Variants in BCORL1 observed in about 807,000 individuals in gnomAD.
BCORL1 encodes BCL-6 corepressor-like protein 1.
Under a neutral mutation model 87.6 loss-of-function variants are expected in BCORL1, and 7 were observed. The observed-to-expected ratio is 0.08, with a 90% CI of 0.05 to 0.15. BCORL1 has a LOEUF of 0.15. Among genes scored for constraint, BCORL1 ranks in the 10% least tolerant of loss-of-function variants. The pLI is 1.00. For missense variants in BCORL1, 1,215 were observed against 1,499.7 expected (o/e 0.81, Z 3.13); for synonymous variants, 591 against 634.4 (o/e 0.93, Z 1.03).
At chrX:130,001,470 G>T (rs1928047043) in intron 1 of BCORL1, among the ~76,000 whole-genome samples, 1 of 112,014 alleles carries the variant, frequency 8.9e-6, no homozygotes, top group Non-Finnish European at 1.9e-5. Context: ...AGCTAGAGAG[G>T]AGAATAAGAA....
At chrX:130,034,192 T>G (rs1930793468) in intron 8 of BCORL1, among the ~76,000 whole-genome samples, 1 of 111,463 alleles carries the variant, frequency 9.0e-6, no homozygotes, top group Admixed American at 9.6e-5. Flanking sequence ...GGTTGAGCAT[T>G]TGAACCTCTT....
intron 7 of BCORL1, among the ~76,000 whole-genome samples, chrX:130,026,474 A>G (rs977820377): frequency 8.0e-5 from 9 of 112,720 alleles, no homozygotes; most frequent in Admixed American, 7.5e-4. Context: ...GAGCAATAAT[A>G]GATTGGTCAG....
At chrX:130,037,925 C>T (rs1931056093) in intron 10 of BCORL1, among the ~76,000 whole-genome samples, 1 of 111,853 alleles carries the variant, frequency 8.9e-6, no homozygotes, top group South Asian at 3.7e-4. Flanking sequence ...GACCTTACCT[C>T]AACCTGAACC....
At position 130,016,117 on chromosome X, in the gene BCORL1, G is replaced by A. The variant is rs748156154; in HGVS notation, c.3345G>A (p.Pro1115=). The change falls in exon 4 of 14, where the codon CCG becomes CCA. Residue 1115 remains proline (P), a synonymous_variant. Coordinates refer to ENST00000540052, the MANE Select transcript of BCORL1 (RefSeq NM_001379451.1). Reference sequence around the variant, plus strand: ...CAGATGATGTGACGGAATCTCTGCCGCCCAAGAAGATGAAGTGCGGCAAAG... The same window carrying A: ...CAGATGATGTGACGGAATCTCTGCCACCCAAGAAGATGAAGTGCGGCAAAG... ...WQPDDVTESL[P]PKKMKCGKEK... is the part of the protein sequence containing the mutation. The A allele has an allele frequency of 1.1e-4, 139 of 1,209,293 alleles. No individual in the cohort carries two copies. Among genetic ancestry groups the A allele is most frequent in the Non-Finnish European group, 1.5e-4 (134 of 895,206 alleles).
Position 130,049,804 on chromosome X carries a change from A to G in BCORL1, c.4841-913A>G, listed in dbSNP as rs373431918. On this transcript the variant is annotated intron_variant, in intron 11 of 13. Transcript: ENST00000540052. The stretch of plus-strand genomic sequence containing the variant: ...ACCAGAAGGACTTATGCTTATTTAT[A>G]TTACTATACATTGGAGAGATTATGA... 4.4e-4 allele frequency among the ~76,000 whole-genome samples: 50 copies of G among 112,671 alleles called. 1 individual carries two copies. In the South Asian group the frequency reaches 0.017, roughly 39 times the overall value.
chrX:129,994,938 C>T lies in BCORL1; in HGVS notation c.-44-10250C>T, dbSNP rs111810269. ...TTATTTCTAGTTGATTTTGTGTGTG[C>T]AGTAGTAGAGGAACCAACTTGGCAT... On this transcript the variant is annotated intron_variant, in intron 1 of 13. Transcript: ENST00000540052. Among the ~76,000 whole-genome samples, 381 of 111,052 alleles carry T rather than the reference C, an allele frequency of 3.4e-3. 2 individuals are homozygous for T. The highest frequency in any genetic ancestry group is 0.012 in the African/African-American group (358 of 30,586).
intron 11 of BCORL1, among the ~76,000 whole-genome samples, chrX:130,041,632 CTT>C (rs2124546272): frequency 9.0e-6 from 1 of 111,617 alleles, no homozygotes; most frequent in South Asian, 3.7e-4. Context: ...TCAGAGAAGA[CTT>C]TTATTTTTTT....
Position 129,991,907 on chromosome X carries a change from A to G in BCORL1, c.-45+9145A>G, listed in dbSNP as rs759473837. Among the ~76,000 whole-genome samples, 6 of 90,849 alleles carry G rather than the reference A, an allele frequency of 6.6e-5. No individual in the cohort carries two copies. The South Asian group carries it at 3.2e-3, about 49-fold the overall frequency. 78.9% of individuals were successfully genotyped at this position (90,849 alleles called of 115,157 possible). A position where few individuals can be genotyped will look rare whatever the true frequency, so the allele number is the denominator to read the frequency against. On this transcript the variant is annotated intron_variant, in intron 1 of 13. Transcript: ENST00000540052. Reference sequence around the variant, plus strand: ...TCTCGAACCCCTGACCTCGTGATCCATCCACCTCGGCCTCCCAAAGTGCTG... The same window carrying G: ...TCTCGAACCCCTGACCTCGTGATCCGTCCACCTCGGCCTCCCAAAGTGCTG...
chrX:130,010,363 C>T (rs1312976327), intron 2 of BCORL1: 1 of 111,891 alleles, frequency 8.9e-6, no homozygotes, highest in African/African-American at 3.3e-5. Context: ...GCATAGGTCT[C>T]GCTTTTGTGG....
At chrX:130,040,469 C>G (rs1388261765) in intron 11 of BCORL1, among the ~76,000 whole-genome samples, 1 of 112,305 alleles carries the variant, frequency 8.9e-6, no homozygotes, top group Non-Finnish European at 1.9e-5. Context: ...CCTGCTCAGC[C>G]AGCCTCCACC....
In BCORL1 at chrX:130,055,948, A is replaced by G; in HGVS notation, c.5170A>G (p.Thr1724Ala). ...QARFPHFEIT[T>A]MPKAEFYRQV... Reference sequence around the variant, plus strand: ...CCGGTTCCCGCACTTTGAAATCACCACCATGCCCAAGGCCGAGTTCTACAG... The same window carrying G: ...CCGGTTCCCGCACTTTGAAATCACCGCCATGCCCAAGGCCGAGTTCTACAG... The change falls in exon 14 of 14, where the codon ACC (threonine) becomes GCC (alanine). Residue 1724 changes from threonine to alanine, a missense_variant. Transcript: ENST00000540052. 8.3e-7 allele frequency: 1 copy of G among 1,211,370 alleles called. No homozygotes were observed.
intron 1 of BCORL1, among the ~76,000 whole-genome samples, chrX:129,988,883 G>A (rs1486858257): frequency 8.9e-6 from 1 of 111,829 alleles, no homozygotes; most frequent in African/African-American, 3.3e-5. Flanking sequence ...GTGGAGAAGT[G>A]CACCGTATAT....
intron 8 of BCORL1, among the ~76,000 whole-genome samples, chrX:130,031,537 A>C (rs1930604041): frequency 8.9e-6 from 1 of 112,076 alleles, no homozygotes; most frequent in African/African-American, 3.2e-5. Context: ...TAATCCCAGC[A>C]CTTTGGGAGG....
At chrX:129,982,182 C>G (rs1454950025), upstream of BCORL1, among the ~76,000 whole-genome samples, 2 of 109,244 alleles carry the variant, frequency 1.8e-5, no homozygotes, top group African/African-American at 6.7e-5. Context: ...CTCAACCTCC[C>G]CCTTCGAGGG....
chrX:130,036,236 T>C (rs1419199000), intron 9 of BCORL1, among the ~76,000 whole-genome samples: 5 of 111,585 alleles, frequency 4.5e-5, no homozygotes, highest in African/African-American at 1.3e-4. Flanking sequence ...CATTAAAGTG[T>C]GGATGAATGG....
At chrX:130,029,649 T>C (rs187892032) in intron 8 of BCORL1, among the ~76,000 whole-genome samples, 1,884 of 105,704 alleles carry the variant, frequency 0.018, 42 homozygotes, top group African/African-American at 0.058. Context: ...ATTTTTTTTT[T>C]TCTCTCTCTC....
chrX:130,000,849 A>T (rs1293645258), intron 1 of BCORL1, among the ~76,000 whole-genome samples: 2 of 109,957 alleles, frequency 1.8e-5, no homozygotes, highest in Non-Finnish European at 3.8e-5. Context: ...TAGTTTTTTC[A>T]TTGGAGTACA....
intron 7 of BCORL1, 51 bp downstream of exon 7, chrX:130,025,430 G>A: frequency 9.3e-7 from 1 of 1,080,545 alleles, no homozygotes; most frequent in South Asian, 2.3e-5. Context: ...TGGCTTCTGG[G>A]AACCCTCGGG....
At chrX:129,983,880 G>T (rs1314197065) in intron 1 of BCORL1, among the ~76,000 whole-genome samples, 4 of 110,423 alleles carry the variant, frequency 3.6e-5, no homozygotes, top group Non-Finnish European at 5.7e-5. Context: ...GGGCTGGAAG[G>T]AGGGAGGCTC....
Sources: gnomAD v4.1 joint callset for allele counts (sites outside exome capture counted in the v4.1 genomes callset) on GRCh38, gnomAD v4.1.1 for gene constraint, MANE v1.5 for transcripts, NCBI Gene and HGNC (gene_info 2026-07-23, HGNC 2026-07-21) for gene names.